ASCC1: variants seen among roughly 807,000 people sequenced by gnomAD.
ASCC1 encodes the protein ASC-1 complex subunit P50.
In ASCC1, 35 loss-of-function variants were observed where a neutral mutation model predicts 46.6. The ratio of observed to expected loss-of-function variants is 0.75; its 90% CI spans 0.57 to 0.99. ASCC1 has a LOEUF of 0.99. ASCC1 is among the 50% of genes least tolerant of loss of function. The pLI is 0.00. For missense variants in ASCC1, 376 were observed against 428.7 expected, an observed-to-expected ratio of 0.88 and a Z score of 1.09; for synonymous variants, 143 against 146.6, an observed-to-expected ratio of 0.98 and a Z score of 0.18.
chr10:72,183,270 C>T (rs895266204), intron 5 of ASCC1, among the ~76,000 whole-genome samples: 2 of 152,112 alleles, frequency 1.3e-5, no homozygotes, highest in Non-Finnish European at 2.9e-5. Context: ...CTGGAACTCC[C>T]GACCTCAGGT....
In ASCC1 at chr10:72,135,834, C is replaced by T. The variant is rs116247300; in HGVS notation, c.747-2653G>A. On this transcript the variant is annotated intron_variant, in intron 7 of 9. Transcript: ENST00000672957. ...CAAAGAAGTGAAGGTGACTCTAAAA[C>T]AATGTTTCTCCTGAGTATTTGAGAG... Among the ~76,000 whole-genome samples the T allele has an allele frequency of 3.8e-3, 586 of 152,256 alleles. 4 individuals carry two copies. The highest frequency in any genetic ancestry group is 0.013 in the African/African-American group (544 of 41,528).
chr10:72,165,201 G>A (rs577493478), intron 5 of ASCC1, among the ~76,000 whole-genome samples: 15 of 152,094 alleles, frequency 9.9e-5, no homozygotes, highest in African/African-American at 1.9e-4. Context: ...TGCAACCTCC[G>A]CTTCCCAGGT....
In ASCC1 at chr10:72,193,471, CA is replaced by C. The variant is rs1436898569; in HGVS notation, c.489+3339del. Among the ~76,000 whole-genome samples the C allele has an allele frequency of 2.0e-5, 3 of 151,204 alleles. No individual in the cohort carries two copies. In the East Asian group the frequency reaches 5.8e-4, roughly 29 times the overall value. ...ACACACACACACACACACACACACACACACACACCACACACACACATGATAA... is the reference window on the plus strand; with the variant it reads ...ACACACACACACACACACACACACACCACACACCACACACACACATGATAA... On this transcript the variant is annotated intron_variant, in intron 5 of 9. Transcript: ENST00000672957.
chr10:72,205,543 T>C lies in ASCC1; in HGVS notation c.213-2019A>G, dbSNP rs190650836. Among the ~76,000 whole-genome samples, 89 of 150,094 alleles carry C rather than the reference T, an allele frequency of 5.9e-4. 2 individuals carry two copies. The East Asian group carries it at 0.017, about 29-fold the overall frequency. ...CTACTCGGGAGGCTGAGGCAGGAGA[T>C]TGCTTGAACTCGGGAGGCAGAGGTT... On this transcript the variant is annotated intron_variant, in intron 3 of 9. Transcript: ENST00000672957.
chr10:72,131,183 G>A (rs1409751365), intron 8 of ASCC1, among the ~76,000 whole-genome samples: 1 of 152,162 alleles, frequency 6.6e-6, no homozygotes, highest in Non-Finnish European at 1.5e-5. Context: ...CACTTTGGGA[G>A]GCCGAGGCAG....
At chr10:72,163,851 C>T (rs925014202) in intron 5 of ASCC1, among the ~76,000 whole-genome samples, 2 of 152,066 alleles carry the variant, frequency 1.3e-5, no homozygotes, top group Non-Finnish European at 2.9e-5. Context: ...GTGTACAATA[C>T]AGCAGTATTT....
In ASCC1 at chr10:72,096,702, T is replaced by C. The variant is rs1274183971; in HGVS notation, c.*632A>G. The C allele has an allele frequency of 1.1e-5, 5 of 454,090 alleles. No homozygotes were observed. The Admixed American group carries it at 1.2e-4, about 11-fold the overall frequency. The allele number at this position is 454,090 out of a possible 1,614,324, so 28.1% of individuals were successfully genotyped here. A position where few individuals can be genotyped will look rare whatever the true frequency, so the allele number is the denominator to read the frequency against. On this transcript the variant is annotated 3_prime_UTR_variant, in exon 10 of 10. Coordinates refer to ENST00000672957, the MANE Select transcript of ASCC1 (RefSeq NM_001198800.3). Reference sequence around the variant, plus strand: ...GGAGGAACAGAGTGTGGTACGCACATGTAACGGAACATTCCATTATATGTA... The same window carrying C: ...GGAGGAACAGAGTGTGGTACGCACACGTAACGGAACATTCCATTATATGTA...
At chr10:72,208,650 C>T (rs961272829) in intron 3 of ASCC1, among the ~76,000 whole-genome samples, 1 of 151,992 alleles carries the variant, frequency 6.6e-6, no homozygotes, top group African/African-American at 2.4e-5. Flanking sequence ...GTTCCAGCTA[C>T]TCAGGAAGCT....
chr10:72,161,489 A>G, intron 6 of ASCC1, 49 bp downstream of exon 6: 1 of 1,613,582 alleles, frequency 6.2e-7, no homozygotes, highest in Non-Finnish European at 8.5e-7. Context: ...TACCAAAAAG[A>G]AGCCAGCCCA....
intron 9 of ASCC1, among the ~76,000 whole-genome samples, chr10:72,106,534 T>A (rs913537841): frequency 1.3e-5 from 2 of 151,066 alleles, no homozygotes; most frequent in African/African-American, 4.8e-5. Flanking sequence ...CGTTTATAGA[T>A]AAAAGTAGTA....
At chr10:72,202,376 G>A (rs1204245847) in intron 4 of ASCC1, among the ~76,000 whole-genome samples, 1 of 151,896 alleles carries the variant, frequency 6.6e-6, no homozygotes, top group African/African-American at 2.4e-5. Context: ...GCTGAGGCAG[G>A]AGAATCGCTT....
chr10:72,181,939 G>A (rs1852684413), intron 5 of ASCC1, among the ~76,000 whole-genome samples: 2 of 152,084 alleles, frequency 1.3e-5, no homozygotes, highest in South Asian at 4.1e-4. Flanking sequence ...ACTCACCTCA[G>A]CCTCCCAAAG....
At chr10:72,137,401 G>A (rs1052382113) in intron 7 of ASCC1, among the ~76,000 whole-genome samples, 3 of 151,860 alleles carry the variant, frequency 2.0e-5, no homozygotes, top group African/African-American at 4.8e-5. Context: ...GGTGGTGCAT[G>A]CCTATAATCC....
intron 5 of ASCC1, among the ~76,000 whole-genome samples, chr10:72,170,205 T>C (rs1471406972): frequency 1.3e-5 from 2 of 152,068 alleles, no homozygotes; most frequent in Non-Finnish European, 2.9e-5. Context: ...AATATTTGCA[T>C]AGTCTTAAAA....
chr10:72,123,293 C>G (rs1024671022), intron 9 of ASCC1, among the ~76,000 whole-genome samples: 13 of 147,866 alleles, frequency 8.8e-5, no homozygotes, highest in African/African-American at 3.3e-4. Flanking sequence ...GAGCCGGGAT[C>G]GTGCCACTGC....
intron 5 of ASCC1, 135 bp downstream of exon 5, chr10:72,196,676 G>A (rs1762530953): frequency 1.1e-6 from 1 of 880,960 alleles, no homozygotes; most frequent in Non-Finnish European, 1.8e-6. Flanking sequence ...TTCAATATAA[G>A]AAGCCAAAAG....
chr10:72,209,016 T>C (rs1207670842), intron 3 of ASCC1, among the ~76,000 whole-genome samples: 1 of 151,732 alleles, frequency 6.6e-6, no homozygotes, highest in Admixed American at 6.6e-5. Context: ...ATACAAAAAA[T>C]TAGCCAGGCA....
chr10:72,132,966 G>T, intron 8 of ASCC1, 91 bp downstream of exon 8: 2 of 1,541,070 alleles, frequency 1.3e-6, no homozygotes, highest in African/African-American at 1.4e-5. Context: ...AGCTATATCA[G>T]AGATTCTTTG....
chr10:72,113,185 T>A (rs1843118417), intron 9 of ASCC1, among the ~76,000 whole-genome samples: 1 of 152,260 alleles, frequency 6.6e-6, no homozygotes, highest in South Asian at 2.1e-4. Flanking sequence ...TTCATTCTGA[T>A]AAGAACCAGA....
Sources: allele counts gnomAD v4.1 joint callset (sites outside exome capture counted in the v4.1 genomes callset), GRCh38; gene constraint gnomAD v4.1.1; transcripts MANE v1.5; gene names NCBI Gene and HGNC (gene_info 2026-07-23, HGNC 2026-07-21).